Variants in CAST observed in about 807,000 individuals in gnomAD.
CAST encodes the protein calpastatin.
In CAST, 76 loss-of-function variants were observed where a neutral mutation model predicts 119.6. The ratio of observed to expected loss-of-function variants is 0.64; its 90% CI spans 0.53 to 0.77. The LOEUF (loss-of-function observed/expected upper bound fraction) is 0.77. Among genes scored for constraint, CAST ranks in the 30% least tolerant of loss-of-function variants. The pLI, the probability that CAST is intolerant of heterozygous loss-of-function variation, is 0.00. For synonymous variants in CAST, 319 were observed against 331.6 expected, an observed-to-expected ratio of 0.96 and a Z score of 0.41; for missense variants, 953 against 946.5, an observed-to-expected ratio of 1.01 and a Z score of -0.09.
the CAST span, among the ~76,000 whole-genome samples, chr5:96,502,674 T>G: frequency 6.6e-6 from 1 of 151,836 alleles, no homozygotes; most frequent in Non-Finnish European, 1.5e-5. Flanking sequence ...CTTCTATCCA[T>G]CTAAACATTG....
chr5:96,606,318 C>CT (rs1314134880), intron 1 of CAST, among the ~76,000 whole-genome samples: 2 of 152,226 alleles, frequency 1.3e-5, no homozygotes, highest in Non-Finnish European at 2.9e-5. Context: ...CACCTACTAA[C>CT]TTTGTCATAT....
intron 2 of CAST, among the ~76,000 whole-genome samples, chr5:96,686,653 G>C (rs1237037339): frequency 6.6e-6 from 1 of 152,182 alleles, no homozygotes; most frequent in African/African-American, 2.4e-5. Context: ...AGAGGGTGCT[G>C]AGTATGTGGA....
the CAST span, among the ~76,000 whole-genome samples, chr5:96,507,990 C>CACTATTATT: frequency 7.0e-6 from 1 of 142,266 alleles, no homozygotes; most frequent in Non-Finnish European, 1.5e-5. Flanking sequence ...ATATCCCTGA[C>CACTATTATT]ATTATTATTA....
At chr5:96,709,096 A>G (rs988349577) in intron 3 of CAST, among the ~76,000 whole-genome samples, 1 of 152,262 alleles carries the variant, frequency 6.6e-6, no homozygotes, top group Non-Finnish European at 1.5e-5. Flanking sequence ...TCCACTATAC[A>G]GAAATAAATT....
chr5:96,425,574 C>T, the CAST span, among the ~76,000 whole-genome samples: 1 of 152,124 alleles, frequency 6.6e-6, no homozygotes, highest in Non-Finnish European at 1.5e-5. Flanking sequence ...CCCAAATAAA[C>T]TTAAGAAGAC....
At chr5:96,560,440 T>A (rs1033577600) in intron 1 of CAST, among the ~76,000 whole-genome samples, 75 of 151,538 alleles carry the variant, frequency 4.9e-4, no homozygotes, top group South Asian at 3.1e-3. Context: ...TGGGAGAAAA[T>A]TTTTGCAATC....
intron 1 of CAST, among the ~76,000 whole-genome samples, chr5:96,588,717 T>C (rs1746907040): frequency 6.6e-6 from 1 of 152,240 alleles, no homozygotes; most frequent in Non-Finnish European, 1.5e-5. Flanking sequence ...TTTTCTCTAA[T>C]GTAACACACC....
chr5:96,348,297 A>C, the CAST span, among the ~76,000 whole-genome samples: 8 of 151,964 alleles, frequency 5.3e-5, no homozygotes, highest in African/African-American at 1.7e-4. Context: ...GGATTAAGGG[A>C]ATATTTTATT....
the CAST span, among the ~76,000 whole-genome samples, chr5:96,008,536 C>A: frequency 3.9e-5 from 6 of 152,112 alleles, no homozygotes; most frequent in Admixed American, 6.6e-5. Context: ...GAGAAGGCAC[C>A]TTTTCCCTTT....
chr5:96,000,497 C>T, the CAST span, among the ~76,000 whole-genome samples: 85 of 152,230 alleles, frequency 5.6e-4, no homozygotes, highest in African/African-American at 2.0e-3. Flanking sequence ...AAACTGACAT[C>T]TGTCGGGAGC....
At chr5:96,598,832 A>G (rs1165513867) in intron 1 of CAST, among the ~76,000 whole-genome samples, 1 of 152,164 alleles carries the variant, frequency 6.6e-6, no homozygotes, top group Non-Finnish European at 1.5e-5. Context: ...CCCTCCCTCT[A>G]GTACGAGAGG....
chr5:96,415,408 G>A, the CAST span, among the ~76,000 whole-genome samples: 1 of 152,150 alleles, frequency 6.6e-6, no homozygotes, highest in East Asian at 1.9e-4. Context: ...GCTCCTTGAG[G>A]CTAAAGGTGA....
chr5:96,259,127 C>T, the CAST span, among the ~76,000 whole-genome samples: 3 of 152,038 alleles, frequency 2.0e-5, no homozygotes, highest in African/African-American at 4.8e-5. Flanking sequence ...TATCTTTGGT[C>T]GACACAGCTG....
chr5:96,153,402 A>G, the CAST span, among the ~76,000 whole-genome samples: 1 of 152,148 alleles, frequency 6.6e-6, no homozygotes, highest in Non-Finnish European at 1.5e-5. Flanking sequence ...GAATTCCTTG[A>G]CTAGGCCCTG....
the CAST span, chr5:96,425,877 T>C: frequency 3.1e-6 from 5 of 1,612,916 alleles, no homozygotes; most frequent in African/African-American, 6.7e-5. Flanking sequence ...CTGAGTCCCT[T>C]AGAGCTGAAC....
the CAST span, chr5:96,318,840 C>T: frequency 6.6e-6 from 1 of 152,140 alleles, no homozygotes; most frequent in Non-Finnish European, 1.5e-5. Flanking sequence ...TGGAAAATGA[C>T]ATTAGTAGTT....
the CAST span, among the ~76,000 whole-genome samples, chr5:96,269,225 A>G: frequency 3.9e-5 from 6 of 152,200 alleles, no homozygotes; most frequent in African/African-American, 1.4e-4. Context: ...AAGGAAAATC[A>G]TTATATAACG....
chr5:96,722,792 A>G (rs1414058145), intron 4 of CAST, 94 bp downstream of exon 4: 11 of 889,088 alleles, frequency 1.2e-5, no homozygotes, highest in East Asian at 4.9e-5. Context: ...TGAGTTATAT[A>G]TGCTAGGAAG....
At chr5:96,216,640 A>G in the CAST span, among the ~76,000 whole-genome samples, 1 of 152,228 alleles carries the variant, frequency 6.6e-6, no homozygotes, top group Non-Finnish European at 1.5e-5. Flanking sequence ...ATTTCTTTAT[A>G]TAATACTTTT....
Sources: allele counts gnomAD v4.1 joint callset (sites outside exome capture counted in the v4.1 genomes callset), GRCh38; gene constraint gnomAD v4.1.1; transcripts MANE v1.5; gene names NCBI Gene and HGNC (gene_info 2026-07-23, HGNC 2026-07-21).